Variants in SLC4A8 observed in about 807,000 individuals in gnomAD.
SLC4A8 encodes solute carrier family 4 member 8, also known as electroneutral sodium bicarbonate exchanger 1.
SLC4A8 carries 40 observed loss-of-function variants against 125.0 expected under a neutral mutation model. The ratio of observed to expected loss-of-function variants is 0.32; its 90% CI spans 0.25 to 0.42. The LOEUF (loss-of-function observed/expected upper bound fraction) is 0.42. Ranked by LOEUF, SLC4A8 falls within the 10% of genes least tolerant of loss-of-function variation. The pLI is 1.00. For missense variants in SLC4A8, 863 were observed against 1,355.1 expected (o/e 0.64, Z 5.70); for synonymous variants, 456 against 476.0 (o/e 0.96, Z 0.55).
chr12:51,489,231 A>C (rs1352520598), intron 18 of SLC4A8, among the ~76,000 whole-genome samples: 1 of 152,166 alleles, frequency 6.6e-6, no homozygotes, highest in Admixed American at 6.5e-5. Context: ...GGTGTCTGTT[A>C]CTATAGTTTC....
chr12:51,445,400 G>A (rs1361146254), intron 2 of SLC4A8, among the ~76,000 whole-genome samples: 2 of 152,122 alleles, frequency 1.3e-5, no homozygotes, highest in African/African-American at 2.4e-5. Context: ...ACTACTGAAT[G>A]CAAGTGATCC....
chr12:51,407,332 C>T (rs1021455762), intron 1 of SLC4A8, among the ~76,000 whole-genome samples: 1 of 152,090 alleles, frequency 6.6e-6, no homozygotes, highest in African/African-American at 2.4e-5. Flanking sequence ...AATCATAGCT[C>T]GCTGTAGCCT....
Position 51,507,543 on chromosome 12 carries a change from G to A in SLC4A8, c.*105G>A. On this transcript the variant is annotated 3_prime_UTR_variant, in exon 25 of 25. Transcript: ENST00000453097. ...CAGAGAAGAAGCAAGACCAAGTCTG[G>A]CCCTGTCCTTGGTCATCTCAAAGCC... is the stretch of plus-strand genomic sequence containing the variant. 1 of 793,600 alleles carries A rather than the reference G, an allele frequency of 1.3e-6. No homozygotes were observed. 49.2% of individuals were successfully genotyped at this position (793,600 alleles called of 1,614,324 possible).
chr12:51,440,485 A>C (rs1466943073), intron 1 of SLC4A8, among the ~76,000 whole-genome samples: 1 of 151,302 alleles, frequency 6.6e-6, no homozygotes, highest in Non-Finnish European at 1.5e-5. Flanking sequence ...CTGGGCCATC[A>C]TTACTTAATG....
chr12:51,467,487 A>G (rs1167024921), intron 11 of SLC4A8: 1 of 152,152 alleles, frequency 6.6e-6, no homozygotes, highest in African/African-American at 2.4e-5. Context: ...TACTAGCTAG[A>G]TGAGAGAGAG....
At chr12:51,496,906 C>A in intron 21 of SLC4A8, 81 bp from the exon 22 acceptor site, 1 of 1,391,966 alleles carries the variant, frequency 7.2e-7, no homozygotes, top group Non-Finnish European at 1.0e-6. Flanking sequence ...TCCTAGTCTG[C>A]TGTGAAAATA....
intron 2 of SLC4A8, among the ~76,000 whole-genome samples, chr12:51,447,389 G>T (rs1042987149): frequency 1.3e-5 from 2 of 152,120 alleles, no homozygotes; most frequent in African/African-American, 4.8e-5. Context: ...ACTGTGCCTG[G>T]CCTGGCACTG....
intron 22 of SLC4A8, among the ~76,000 whole-genome samples, chr12:51,500,102 C>T (rs184702894): frequency 6.6e-6 from 1 of 152,234 alleles, no homozygotes; most frequent in East Asian, 1.9e-4. Flanking sequence ...GATTTTTGGA[C>T]TGAACAACTG....
intron 1 of SLC4A8, among the ~76,000 whole-genome samples, chr12:51,396,047 C>A (rs546421538): frequency 1.3e-5 from 2 of 152,344 alleles, no homozygotes; most frequent in African/African-American, 4.8e-5. Context: ...CGCTACAATT[C>A]ACCCATTTCT....
At chr12:51,463,504 A>G (rs1950415309) in intron 10 of SLC4A8, 110 bp from the exon 11 acceptor site, 3 of 698,756 alleles carry the variant, frequency 4.3e-6, no homozygotes, top group Non-Finnish European at 5.1e-6. Context: ...GAAAGCTACA[A>G]ACACGGGCAT....
chr12:51,451,021 C>T lies in SLC4A8; in HGVS notation c.276C>T (p.His92=), dbSNP rs1017308904. 25 of 1,505,460 alleles carry T rather than the reference C, an allele frequency of 1.7e-5. No homozygotes were observed. The highest frequency in any genetic ancestry group is 5.2e-5 in the South Asian group (4 of 76,600). 93.3% of individuals were successfully genotyped at this position (1,505,460 alleles called of 1,614,324 possible). A position where few individuals can be genotyped will look rare whatever the true frequency, so the allele number is the denominator to read the frequency against. Residue 92 remains histidine (H), a splice_region_variant and synonymous_variant, in exon 3 of 25, where the codon CAC becomes CAT. Transcript: ENST00000453097. The part of the protein sequence containing the change: ...QGEEGLEALA[H]DTPSQRVQFI... The stretch of plus-strand genomic sequence containing the variant: ...AGGAAGGCCTGGAAGCCCTGGCCCA[C>T]GGTAAGGGCCTTGGGAGACAGGGCG...
chr12:51,409,258 G>GTGCTACTCAGTAGTATTTTAA (rs1235544020), intron 1 of SLC4A8, among the ~76,000 whole-genome samples: 5 of 152,152 alleles, frequency 3.3e-5, no homozygotes, highest in Non-Finnish European at 4.4e-5. Flanking sequence ...AGAGTCTTTT[G>GTGCTACTCAGTAGTATTTTAA]TGCTACTCAG....
intron 8 of SLC4A8, 94 bp downstream of exon 8, chr12:51,460,202 A>C: frequency 1.9e-6 from 2 of 1,052,408 alleles, no homozygotes; most frequent in South Asian, 2.6e-5. Flanking sequence ...ATTTAGAATT[A>C]ATTAATTTTA....
At chr12:51,469,829 C>G in intron 12 of SLC4A8, 41 bp downstream of exon 12, 1 of 1,595,010 alleles carries the variant, frequency 6.3e-7, no homozygotes, top group Non-Finnish European at 8.6e-7. Context: ...CAAACAAGAC[C>G]TAAAATATTG....
intron 16 of SLC4A8, among the ~76,000 whole-genome samples, chr12:51,483,363 A>AG (rs1555197300): frequency 1.3e-5 from 2 of 151,400 alleles, no homozygotes; most frequent in African/African-American, 4.8e-5. Flanking sequence ...ACAAAAAAAA[A>AG]AAAGAAAGAA....
chr12:51,474,979 C>G (rs891093212), intron 15 of SLC4A8, 66 bp from the exon 16 acceptor site: 4 of 1,398,058 alleles, frequency 2.9e-6, no homozygotes, highest in Non-Finnish European at 4.0e-6. Context: ...GTGGTGGACT[C>G]AGTAGGAAAC....
rs1004251817 is a variant in SLC4A8, at chr12:51,509,159, T to A, written c.*1721T>A. 5 of 152,700 alleles carry A rather than the reference T, an allele frequency of 3.3e-5. No homozygotes were observed. The highest frequency in any genetic ancestry group is 5.9e-5 in the Non-Finnish European group (4 of 68,052). The allele number at this position is 152,700 out of a possible 1,614,324, so 9.5% of individuals were successfully genotyped here. ...AATGCCTATTGGCTGAACATTATGC[T>A]ACTTTCAGATATTAAAATGGTGTTC... On this transcript the variant is annotated 3_prime_UTR_variant, in exon 25 of 25. Coordinates refer to ENST00000453097, the MANE Select transcript of SLC4A8 (RefSeq NM_001039960.3).
chr12:51,474,289 TA>T, intron 14 of SLC4A8, 52 bp from the exon 15 acceptor site: 2 of 1,180,102 alleles, frequency 1.7e-6, no homozygotes, highest in Non-Finnish European at 2.5e-6. Context: ...TAAAAACATT[TA>T]ACTGAGTATT....
In SLC4A8 at chr12:51,400,761, T is replaced by C. The variant is rs1179878773; in HGVS notation, c.-112+9273T>C. Among the ~76,000 whole-genome samples the C allele has an allele frequency of 8.6e-3, 70 of 8,168 alleles. 2 individuals carry two copies. Among genetic ancestry groups the C allele is most frequent in the Admixed American group, 2.1e-3 (1 of 474 alleles). The allele number at this position is 8,168 out of a possible 152,430, so 5.4% of individuals were successfully genotyped here. ...ATATATATATATATATATATATATA[T>C]ATATATATATATATATACATACATA... On this transcript the variant is annotated intron_variant, in intron 1 of 24. Transcript: ENST00000358657.
Sources: gnomAD v4.1 joint callset for allele counts (sites outside exome capture counted in the v4.1 genomes callset) on GRCh38, gnomAD v4.1.1 for gene constraint, MANE v1.5 for transcripts, NCBI Gene and HGNC (gene_info 2026-07-23, HGNC 2026-07-21) for gene names.